CRACR2A: variants seen among roughly 807,000 people sequenced by gnomAD.
CRACR2A encodes calcium release activated channel regulator 2A.
A neutral mutation model predicts 90.5 loss-of-function variants in CRACR2A; 79 were observed. That is an observed-to-expected ratio of 0.87 (90% CI 0.73 to 1.05). CRACR2A has a LOEUF of 1.05. CRACR2A is among the 50% of genes least tolerant of loss of function. CRACR2A has a pLI of 0.00. For missense variants in CRACR2A, 823 were observed against 897.2 expected, an observed-to-expected ratio of 0.92 and a Z score of 1.06; for synonymous variants, 338 against 356.7, an observed-to-expected ratio of 0.95 and a Z score of 0.59.
intron 3 of CRACR2A, among the ~76,000 whole-genome samples, chr12:3,701,209 G>A (rs1945829480): frequency 6.6e-6 from 1 of 151,582 alleles, no homozygotes; most frequent in South Asian, 2.1e-4. Flanking sequence ...TACTGCTAAA[G>A]CAGTACTAAG....
intron 5 of CRACR2A, 91 bp downstream of exon 5, chr12:3,680,147 G>GC (rs1380339058): frequency 8.7e-6 from 9 of 1,038,476 alleles, no homozygotes; most frequent in Non-Finnish European, 1.3e-5. Flanking sequence ...TTTACTACCT[G>GC]CCCCCCAGGT....
chr12:3,654,508 G>A lies in CRACR2A; in HGVS notation c.859-109C>T, dbSNP rs1029678044. 3.6e-5 allele frequency: 39 copies of A among 1,074,896 alleles called. No individual in the cohort carries two copies. In the African/African-American group the frequency reaches 6.2e-4, roughly 17 times the overall value. 66.6% of individuals were successfully genotyped at this position (1,074,896 alleles called of 1,614,324 possible). A position where few individuals can be genotyped will look rare whatever the true frequency, so the allele number is the denominator to read the frequency against. Reference sequence around the variant, plus strand: ...TGCTTGGCAGGCAGGAACCGTCACTGCCACCCCTCACTGGCCTCAAGCCTA... The same window carrying A: ...TGCTTGGCAGGCAGGAACCGTCACTACCACCCCTCACTGGCCTCAAGCCTA... On this transcript the variant is annotated intron_variant, in intron 9 of 19. Coordinates refer to ENST00000440314, the MANE Select transcript of CRACR2A (RefSeq NM_001144958.2).
intron 1 of CRACR2A, among the ~76,000 whole-genome samples, chr12:3,747,174 C>T (rs538625840): frequency 2.0e-5 from 3 of 152,324 alleles, no homozygotes; most frequent in African/African-American, 4.8e-5. Flanking sequence ...AATCCCAGCT[C>T]GGCCTCTTAT....
chr12:3,629,184 CGA>C (rs1565463744), intron 15 of CRACR2A, among the ~76,000 whole-genome samples: 1 of 152,020 alleles, frequency 6.6e-6, no homozygotes, highest in African/African-American at 2.4e-5. Flanking sequence ...ACACACACAC[CGA>C]GAGATGAAGC....
Position 3,746,184 on chromosome 12 carries a change from G to C in CRACR2A, c.-387+6831C>G, listed in dbSNP as rs1946622437. On this transcript the variant is annotated intron_variant, in intron 1 of 19. Coordinates refer to ENST00000440314, the MANE Select transcript of CRACR2A (RefSeq NM_001144958.2). This position sits in a 1 kb window ranked among gnomAD's most constrained non-coding sequence, Gnocchi z 4.4. ...TTGGTTATTTTTCATATCATCTCCT[G>C]CTATGAGCTAAATTATGTCCCCCCG... Among the ~76,000 whole-genome samples, 4 of 152,162 alleles carry C rather than the reference G, an allele frequency of 2.6e-5. No homozygotes were observed. In the South Asian group the frequency reaches 8.3e-4, roughly 31 times the overall value.
chr12:3,747,497 A>G (rs1337592858), intron 1 of CRACR2A, among the ~76,000 whole-genome samples: 1 of 152,236 alleles, frequency 6.6e-6, no homozygotes, highest in Non-Finnish European at 1.5e-5. Context: ...GGTTATGTGC[A>G]GCGGACAATG....
In CRACR2A at chr12:3,746,154, C is replaced by T. The variant is rs934052057; in HGVS notation, c.-387+6861G>A. Among the ~76,000 whole-genome samples the T allele has an allele frequency of 3.9e-5, 6 of 152,200 alleles. No homozygotes were observed. The highest frequency in any genetic ancestry group is 1.4e-4 in the African/African-American group (6 of 41,450). ...TTACTTACTTGCCTATAAACACTAA[C>T]ATCATTGGTTATTTTTCATATCATC... is the stretch of plus-strand genomic sequence containing the variant. On this transcript the variant is annotated intron_variant, in intron 1 of 19. Coordinates refer to ENST00000440314, the MANE Select transcript of CRACR2A (RefSeq NM_001144958.2). This position sits in a 1 kb window ranked among gnomAD's most constrained non-coding sequence, Gnocchi z 4.4.
intron 7 of CRACR2A, among the ~76,000 whole-genome samples, chr12:3,664,481 T>C (rs1478168936): frequency 2.0e-5 from 3 of 152,248 alleles, no homozygotes; most frequent in Non-Finnish European, 4.4e-5. Context: ...TTCTGCCTTA[T>C]GTGTCTTCCT....
intron 4 of CRACR2A, among the ~76,000 whole-genome samples, chr12:3,695,111 C>T (rs1227480130): frequency 6.6e-6 from 1 of 152,216 alleles, no homozygotes; most frequent in African/African-American, 2.4e-5. Flanking sequence ...TTATATACAG[C>T]AAGAGTGCTG....
rs758034055 is a variant in CRACR2A, at chr12:3,680,244, C to T, written c.334G>A (p.Gly112Arg). The change falls in exon 5 of 20, where the codon GGA becomes AGA. Residue 112 changes from glycine (G) to arginine (R), a missense_variant. Physicochemically the swap from Gly to Arg is moderately radical, Grantham distance 125. Transcript: ENST00000440314. ...GYLTPQEFTT[G>R]FSHFFFSQNN... is the part of the protein sequence containing the mutation. ...AGCACCCATCAGAACTTACTAAATC[C>T]AGTAGTGAACTCCTGTGGGGTCAGA... The T allele has an allele frequency of 1.2e-6, 2 of 1,613,770 alleles. No individual in the cohort carries two copies. The highest frequency in any genetic ancestry group is 8.5e-7 in the Non-Finnish European group (1 of 1,179,666).
chr12:3,702,997 A>G (rs531553212), intron 3 of CRACR2A, among the ~76,000 whole-genome samples: 88 of 152,376 alleles, frequency 5.8e-4, no homozygotes, highest in Non-Finnish European at 1.0e-3. Flanking sequence ...ATGTATATAA[A>G]TGATTTTTTG....
In CRACR2A at chr12:3,666,354, TGCGTGC is replaced by T. The variant is rs1334641280; in HGVS notation, c.672-6706_672-6701del. ...GCGTGTGTGTGTGTGTGTGTGTGTG[TGCGTGC>T]GTGTGCGCGTGCGCGCGCACGCGCG... On this transcript the variant is annotated intron_variant, in intron 7 of 19. Coordinates refer to ENST00000440314, the MANE Select transcript of CRACR2A (RefSeq NM_001144958.2). Among the ~76,000 whole-genome samples, 262 of 145,048 alleles carry T rather than the reference TGCGTGC, an allele frequency of 1.8e-3. 2 individuals carry two copies. The highest frequency in any genetic ancestry group is 7.1e-3 in the South Asian group (34 of 4,758).
chr12:3,658,600 T>C (rs187789597), intron 8 of CRACR2A, among the ~76,000 whole-genome samples: 1 of 152,348 alleles, frequency 6.6e-6, no homozygotes, highest in African/African-American at 2.4e-5. Context: ...AGCACTCCGA[T>C]TCCCTCAGTT....
chr12:3,719,748 A>T (rs1363569547), intron 2 of CRACR2A, among the ~76,000 whole-genome samples: 1 of 152,230 alleles, frequency 6.6e-6, no homozygotes, highest in Non-Finnish European at 1.5e-5. Context: ...CAGATTGTGA[A>T]TGGACTTATC....
intron 2 of CRACR2A, among the ~76,000 whole-genome samples, chr12:3,714,088 G>T (rs1946046923): frequency 6.6e-6 from 1 of 152,222 alleles, no homozygotes; most frequent in Non-Finnish European, 1.5e-5. Context: ...CACCAAGGAG[G>T]CTGGCCTCTG....
At chr12:3,668,009 C>T (rs185991809) in intron 7 of CRACR2A, among the ~76,000 whole-genome samples, 1 of 152,244 alleles carries the variant, frequency 6.6e-6, no homozygotes. Flanking sequence ...ACCAACTTTG[C>T]AGCTTTATCC....
intron 15 of CRACR2A, among the ~76,000 whole-genome samples, chr12:3,631,618 C>T (rs999055451): frequency 6.6e-6 from 1 of 152,238 alleles, no homozygotes; most frequent in African/African-American, 2.4e-5. Flanking sequence ...GCAGGCTCTG[C>T]ACTTCTTCCC....
intron 7 of CRACR2A, among the ~76,000 whole-genome samples, chr12:3,662,337 C>T (rs1044395811): frequency 5.9e-5 from 9 of 152,192 alleles, no homozygotes; most frequent in Admixed American, 2.0e-4. Context: ...ACTAAACCAG[C>T]GCAGGGACGA....
chr12:3,647,213 T>C (rs907061496), intron 11 of CRACR2A, among the ~76,000 whole-genome samples: 1 of 85,178 alleles, frequency 1.2e-5, no homozygotes, highest in Non-Finnish European at 2.1e-5. Flanking sequence ...CACCTCAGCA[T>C]TATCTCTCCC....
Sources: allele counts gnomAD v4.1 joint callset (sites outside exome capture counted in the v4.1 genomes callset), GRCh38; gene constraint gnomAD v4.1.1; non-coding constraint Gnocchi (gnomAD v3.1); transcripts MANE v1.5; gene names NCBI Gene and HGNC (gene_info 2026-07-23, HGNC 2026-07-21).